GPD2: variants seen among roughly 807,000 people sequenced by gnomAD.
GPD2 encodes the protein glycerol-3-phosphate dehydrogenase 2.
Under a neutral mutation model 82.4 loss-of-function variants are expected in GPD2, and 54 were observed. The ratio of observed to expected loss-of-function variants is 0.66; its 90% confidence interval spans 0.53 to 0.82. The LOEUF (loss-of-function observed/expected upper bound fraction) is 0.82, where lower values mean the gene tolerates loss of function less well. Ranked by LOEUF, GPD2 falls within the 40% of genes least tolerant of loss-of-function variation. The pLI, the probability that GPD2 is intolerant of heterozygous loss-of-function variation, is 0.00. For missense variants in GPD2, 748 were observed against 896.2 expected, an observed-to-expected ratio of 0.83 and a Z score of 2.11; for synonymous variants, 288 against 306.1, an observed-to-expected ratio of 0.94 and a Z score of 0.62.
At chr2:156,408,557 CCTGCCCATG>C in the GPD2 span, among the ~76,000 whole-genome samples, 1 of 151,486 alleles carries the variant, frequency 6.6e-6, no homozygotes, top group East Asian at 2.0e-4. Context: ...GAGACCACCC[CCTGCCCATG>C]ATCTCTACAA....
the GPD2 span, among the ~76,000 whole-genome samples, chr2:156,409,336 C>T: frequency 6.6e-6 from 1 of 152,122 alleles, no homozygotes; most frequent in Admixed American, 6.6e-5. Context: ...TGCATTAATA[C>T]CATTAACTTC....
intron 13 of GPD2, among the ~76,000 whole-genome samples, chr2:156,574,527 C>T (rs988441830): frequency 6.6e-6 from 1 of 151,980 alleles, no homozygotes; most frequent in South Asian, 2.1e-4. Context: ...GACAAAAGAT[C>T]CATTTTTCAT....
upstream of GPD2, among the ~76,000 whole-genome samples, chr2:156,431,459 T>C (rs1436358088): frequency 1.3e-5 from 2 of 152,232 alleles, no homozygotes; most frequent in African/African-American, 4.8e-5. Flanking sequence ...CAAGTGTTTG[T>C]TGAGAAGGGA....
intron 1 of GPD2, among the ~76,000 whole-genome samples, chr2:156,445,533 T>C (rs1478812808): frequency 6.6e-6 from 1 of 152,222 alleles, no homozygotes; most frequent in East Asian, 1.9e-4. Context: ...ATGACATTGC[T>C]TATGATTTGA....
intron 1 of GPD2, among the ~76,000 whole-genome samples, chr2:156,443,402 A>C (rs71419095): frequency 6.6e-6 from 1 of 152,210 alleles, no homozygotes; most frequent in African/African-American, 2.4e-5. Context: ...GCAGTTGTTC[A>C]TTAATGGTTG....
chr2:156,561,310 T>A (rs1359434919), intron 9 of GPD2, among the ~76,000 whole-genome samples: 2 of 152,136 alleles, frequency 1.3e-5, no homozygotes, highest in African/African-American at 4.8e-5. Context: ...CCTCCCAAAG[T>A]GCTGGGATTA....
chr2:156,436,966 A>G (rs1389678658), intron 1 of GPD2, among the ~76,000 whole-genome samples: 3 of 152,188 alleles, frequency 2.0e-5, no homozygotes, highest in African/African-American at 4.8e-5. Flanking sequence ...TCCACTCCCT[A>G]TGTAGTAACT....
At chr2:156,512,754 T>C (rs894041332) in intron 5 of GPD2, among the ~76,000 whole-genome samples, 1 of 152,148 alleles carries the variant, frequency 6.6e-6, no homozygotes, top group African/African-American at 2.4e-5. Flanking sequence ...AAGGCTGAAA[T>C]TTGGTTAGGA....
chr2:156,539,128 C>T (rs1384958166), intron 6 of GPD2, among the ~76,000 whole-genome samples: 2 of 152,056 alleles, frequency 1.3e-5, no homozygotes, highest in African/African-American at 4.8e-5. Context: ...GTTATCTTAA[C>T]AAAAGGAGAA....
chr2:156,487,227 C>T (rs1683979122), intron 2 of GPD2, among the ~76,000 whole-genome samples: 2 of 152,020 alleles, frequency 1.3e-5, no homozygotes, highest in Non-Finnish European at 2.9e-5. Context: ...GAGAATCGCA[C>T]AAACCCAGGA....
intron 6 of GPD2, among the ~76,000 whole-genome samples, chr2:156,520,967 A>G (rs1685385812): frequency 6.6e-6 from 1 of 152,184 alleles, no homozygotes; most frequent in Admixed American, 6.5e-5. Context: ...GCAGTTGGAC[A>G]TGCCTAGAAA....
chr2:156,514,020 T>C (rs1685103500), intron 6 of GPD2, among the ~76,000 whole-genome samples: 1 of 152,232 alleles, frequency 6.6e-6, no homozygotes, highest in African/African-American at 2.4e-5. Context: ...TAGATGAACA[T>C]TGCATCTGTT....
chr2:156,563,022 T>G (rs1663223881), intron 9 of GPD2, among the ~76,000 whole-genome samples: 1 of 152,156 alleles, frequency 6.6e-6, no homozygotes. Flanking sequence ...TTAATAGTAG[T>G]TTTTTTCTTT....
intron 13 of GPD2, among the ~76,000 whole-genome samples, chr2:156,573,006 G>T (rs1247209749): frequency 6.6e-6 from 1 of 152,152 alleles, no homozygotes; most frequent in East Asian, 1.9e-4. Flanking sequence ...ATGAGTGAAT[G>T]AACATTATTG....
chr2:156,512,349 G>A (rs768097688), intron 5 of GPD2, 32 bp downstream of exon 5: 1 of 987,698 alleles, frequency 1.0e-6, no homozygotes, highest in Non-Finnish European at 1.6e-6. Context: ...GTATGCATTT[G>A]CTTCTCTGCG....
At chr2:156,415,500 C>T in the GPD2 span, among the ~76,000 whole-genome samples, 1 of 152,006 alleles carries the variant, frequency 6.6e-6, no homozygotes, top group African/African-American at 2.4e-5. Context: ...AGCTTAGCTC[C>T]CACATATCAG....
chr2:156,566,579 C>T (rs115111922), intron 9 of GPD2, among the ~76,000 whole-genome samples: 5 of 152,174 alleles, frequency 3.3e-5, no homozygotes, highest in South Asian at 2.1e-4. Context: ...GATAATAGTT[C>T]GTTGTAAGTG....
chr2:156,408,381 CAT>C, the GPD2 span, among the ~76,000 whole-genome samples: 1 of 152,086 alleles, frequency 6.6e-6, no homozygotes, highest in African/African-American at 2.4e-5. Context: ...AAGCTGAAAA[CAT>C]GTAGTGCTAA....
intron 1 of GPD2, chr2:156,473,776 A>G (rs1045720136): frequency 6.6e-6 from 1 of 152,238 alleles, no homozygotes; most frequent in East Asian, 1.9e-4. Flanking sequence ...AATGTTTACA[A>G]CAGTACATTG....
Sources: allele counts gnomAD v4.1 joint callset (sites outside exome capture counted in the v4.1 genomes callset), GRCh38; gene constraint gnomAD v4.1.1; transcripts MANE v1.5; gene names NCBI Gene and HGNC (gene_info 2026-07-23, HGNC 2026-07-21).